Variants in SLC39A11 observed in about 807,000 individuals in gnomAD.
The protein encoded by SLC39A11 is solute carrier family 39 member 11.
In SLC39A11, 33 loss-of-function variants were observed where a neutral mutation model predicts 36.1. That is an observed-to-expected ratio of 0.91 (90% CI 0.69 to 1.22). The LOEUF (loss-of-function observed/expected upper bound fraction) is 1.22, where lower values mean the gene tolerates loss of function less well. Among genes scored for constraint, SLC39A11 ranks in the 50% most tolerant of loss-of-function variants. The pLI, the probability that SLC39A11 is intolerant of heterozygous loss-of-function variation, is 0.00. For synonymous variants in SLC39A11, 166 were observed against 170.3 expected (o/e 0.97, Z 0.20); for missense variants, 432 against 430.3 (o/e 1.00, Z -0.03).
chr17:72,845,310 T>C (rs9897301), intron 6 of SLC39A11, among the ~76,000 whole-genome samples: 6,294 of 152,296 alleles, frequency 0.041, 430 homozygotes, highest in African/African-American at 0.14. Flanking sequence ...TGCCCTCACC[T>C]TGTACTTCTC....
intron 3 of SLC39A11, among the ~76,000 whole-genome samples, chr17:73,040,518 T>G (rs2143468934): frequency 6.6e-6 from 1 of 152,338 alleles, no homozygotes; most frequent in East Asian, 1.9e-4. Context: ...TAGGGAATAG[T>G]AACAAACAAA....
intron 6 of SLC39A11, among the ~76,000 whole-genome samples, chr17:72,808,994 C>T (rs1388585582): frequency 6.6e-6 from 1 of 152,212 alleles, no homozygotes; most frequent in African/African-American, 2.4e-5. Flanking sequence ...TAATTAAACT[C>T]TTTCTCTACT....
intron 6 of SLC39A11, among the ~76,000 whole-genome samples, chr17:72,751,224 G>T (rs949050142): frequency 6.6e-6 from 1 of 152,154 alleles, no homozygotes; most frequent in Non-Finnish European, 1.5e-5. Context: ...CTCCAGCCTG[G>T]GCGACAGAGT....
chr17:73,026,534 A>AAAG (rs761535316), intron 4 of SLC39A11, among the ~76,000 whole-genome samples: 25 of 148,308 alleles, frequency 1.7e-4, no homozygotes, highest in Middle Eastern at 3.4e-3. Context: ...AAAAAAAAAA[A>AAAG]GAAAGAAAGA....
At chr17:73,038,223 C>CAAAA (rs2058987743) in intron 3 of SLC39A11, among the ~76,000 whole-genome samples, 1 of 150,524 alleles carries the variant, frequency 6.6e-6, no homozygotes, top group African/African-American at 2.4e-5. Context: ...GAAACTGTCT[C>CAAAA]AAAAACAAAC....
intron 3 of SLC39A11, among the ~76,000 whole-genome samples, chr17:73,066,132 C>T (rs1228720043): frequency 2.0e-5 from 3 of 152,220 alleles, no homozygotes; most frequent in Admixed American, 1.3e-4. Context: ...TCTCCGGTTT[C>T]CACCTTCACC....
At chr17:72,813,800 TA>T (rs1237250014) in intron 6 of SLC39A11, among the ~76,000 whole-genome samples, 1 of 152,202 alleles carries the variant, frequency 6.6e-6, no homozygotes, top group African/African-American at 2.4e-5. Flanking sequence ...CGCCTTTAGT[TA>T]AGGCAGGATG....
chr17:72,955,076 C>CATT (rs1568016037), intron 4 of SLC39A11, among the ~76,000 whole-genome samples: 1 of 152,122 alleles, frequency 6.6e-6, no homozygotes, highest in African/African-American at 2.4e-5. Context: ...AGCTTCAGTT[C>CATT]ATTCCTTGTA....
chr17:72,922,625 G>C (rs2083740847), intron 5 of SLC39A11, among the ~76,000 whole-genome samples: 1 of 152,162 alleles, frequency 6.6e-6, no homozygotes. Context: ...GGAGCTCAAT[G>C]AGTAGAACTA....
chr17:72,720,800 T>G (rs927209209), intron 7 of SLC39A11, among the ~76,000 whole-genome samples: 1 of 152,142 alleles, frequency 6.6e-6, no homozygotes, highest in African/African-American at 2.4e-5. Flanking sequence ...ATAGACCCAG[T>G]TGATGAAAGA....
chr17:72,662,225 A>G (rs1291134682), intron 7 of SLC39A11, among the ~76,000 whole-genome samples: 1 of 152,018 alleles, frequency 6.6e-6, no homozygotes, highest in Non-Finnish European at 1.5e-5. Context: ...TGATGGAGCC[A>G]TGGCAGTCCA....
At chr17:72,790,940 T>C (rs1049370851) in intron 6 of SLC39A11, among the ~76,000 whole-genome samples, 1 of 152,210 alleles carries the variant, frequency 6.6e-6, no homozygotes, top group African/African-American at 2.4e-5. Flanking sequence ...GGCCAATCCA[T>C]GTAGCAACTT....
intron 7 of SLC39A11, among the ~76,000 whole-genome samples, chr17:72,658,136 G>A (rs11656016): frequency 1.3e-5 from 2 of 152,096 alleles, no homozygotes; most frequent in Admixed American, 6.5e-5. Context: ...TGGGGAAGGC[G>A]CTGGGCCTGA....
intron 7 of SLC39A11, among the ~76,000 whole-genome samples, chr17:72,720,449 C>A (rs1030651793): frequency 6.6e-6 from 1 of 152,078 alleles, no homozygotes; most frequent in East Asian, 1.9e-4. Context: ...GGACCTGGGC[C>A]CCGAGGCTTG....
At chr17:72,669,144 A>G (rs1157356876) in intron 7 of SLC39A11, among the ~76,000 whole-genome samples, 2 of 152,246 alleles carry the variant, frequency 1.3e-5, no homozygotes, top group Non-Finnish European at 2.9e-5. Flanking sequence ...ATGCAGGAGA[A>G]TGTTTTGTTT....
chr17:73,035,034 C>T lies in SLC39A11; in HGVS notation c.148-3320G>A, dbSNP rs377174547. On this transcript the variant is annotated intron_variant, in intron 3 of 9. Transcript: ENST00000255559. ...TTTCTTTTCCTTGTGAGCCTCCCTG[C>T]CTCACACACAAACTGGAAAACCACC... Among the ~76,000 whole-genome samples, 75 of 152,292 alleles carry T rather than the reference C, an allele frequency of 4.9e-4. 1 individual carries two copies. In the East Asian group the frequency reaches 7.3e-3, roughly 15 times the overall value.
At chr17:72,736,438 C>T (rs1407468414) in intron 7 of SLC39A11, among the ~76,000 whole-genome samples, 5 of 152,196 alleles carry the variant, frequency 3.3e-5, no homozygotes, top group Admixed American at 1.3e-4. Context: ...TGATCATCAC[C>T]CACTTAATAG....
intron 5 of SLC39A11, among the ~76,000 whole-genome samples, chr17:72,940,501 C>T (rs1048038416): frequency 4.6e-5 from 7 of 152,378 alleles, no homozygotes; most frequent in African/African-American, 1.4e-4. Context: ...GTCTCGAACT[C>T]CTGACCTTAG....
intron 4 of SLC39A11, among the ~76,000 whole-genome samples, chr17:73,005,212 A>G (rs1175417513): frequency 1.3e-5 from 2 of 152,156 alleles, no homozygotes; most frequent in Non-Finnish European, 2.9e-5. Flanking sequence ...TCCTGACCTC[A>G]GACGATCCGC....
Sources: gnomAD v4.1 joint callset for allele counts (sites outside exome capture counted in the v4.1 genomes callset) on GRCh38, gnomAD v4.1.1 for gene constraint, MANE v1.5 for transcripts, NCBI Gene and HGNC (gene_info 2026-07-23, HGNC 2026-07-21) for gene names.